Variants in FBLN5 observed in about 807,000 individuals in gnomAD.
FBLN5 encodes fibulin-5.
A neutral mutation model predicts 61.6 loss-of-function variants in FBLN5; 24 were observed. The observed-to-expected ratio is 0.39, with a 90% CI of 0.28 to 0.55. FBLN5 has a LOEUF of 0.55. Ranked by LOEUF, FBLN5 falls within the 20% of genes least tolerant of loss-of-function variation. The pLI is 0.65. For missense variants in FBLN5, 470 were observed against 594.1 expected (o/e 0.79, Z 2.17); for synonymous variants, 213 against 219.8 (o/e 0.97, Z 0.27).
At chr14:91,928,855 G>A (rs920664394) in intron 4 of FBLN5, among the ~76,000 whole-genome samples, 4 of 151,818 alleles carry the variant, frequency 2.6e-5, no homozygotes, top group African/African-American at 9.7e-5. Context: ...TCAGGAGATC[G>A]AGACCATCCT....
chr14:91,888,623 A>T (rs1889841867), intron 6 of FBLN5, among the ~76,000 whole-genome samples: 1 of 150,538 alleles, frequency 6.6e-6, no homozygotes, highest in African/African-American at 2.5e-5. Flanking sequence ...AAAAAAAAAA[A>T]ATACATATAT....
intron 10 of FBLN5, chr14:91,873,969 A>G (rs186605704): frequency 2.0e-5 from 3 of 151,862 alleles, no homozygotes; most frequent in African/African-American, 7.3e-5. Context: ...CCTAATTATG[A>G]CCCCCAAGCC....
intron 4 of FBLN5, among the ~76,000 whole-genome samples, chr14:91,908,491 C>T (rs950838839): frequency 2.0e-5 from 3 of 152,206 alleles, no homozygotes; most frequent in South Asian, 2.1e-4. Context: ...AGTCAGGATA[C>T]GAACTCAAGG....
intron 4 of FBLN5, among the ~76,000 whole-genome samples, chr14:91,927,419 G>A (rs971940855): frequency 3.9e-5 from 6 of 152,174 alleles, no homozygotes; most frequent in Non-Finnish European, 5.9e-5. Flanking sequence ...GAACATCTGC[G>A]AATTTCTGTA....
chr14:91,878,188 C>T (rs1889260999), intron 9 of FBLN5: 10 of 301,950 alleles, frequency 3.3e-5, no homozygotes, highest in South Asian at 3.1e-4. Context: ...CAAATCTTGT[C>T]ATTCGATAAT....
At chr14:91,885,323 C>G (rs997603442) in intron 7 of FBLN5, among the ~76,000 whole-genome samples, 1 of 152,178 alleles carries the variant, frequency 6.6e-6, no homozygotes, top group African/African-American at 2.4e-5. Context: ...GTAAGCTTCT[C>G]AAGAAGCCAA....
intron 7 of FBLN5, among the ~76,000 whole-genome samples, chr14:91,885,256 G>A (rs896451234): frequency 6.6e-6 from 1 of 152,232 alleles, no homozygotes; most frequent in East Asian, 1.9e-4. Flanking sequence ...TGGAGGACAA[G>A]TTGGCCATTT....
rs553195673 is a variant in FBLN5 at position 91,881,156 on chromosome 14, C to T, written c.989+136G>A. The stretch of plus-strand genomic sequence containing the variant: ...ACACACACACACACACACACACACG[C>T]ATGAGCACATGACGTAGGTAGTAGG... On this transcript the variant is annotated intron_variant, in intron 9 of 10. Coordinates refer to ENST00000342058, the MANE Select transcript of FBLN5 (RefSeq NM_006329.4). 4 of 814,074 alleles carry T rather than the reference C, an allele frequency of 4.9e-6. 1 individual carries two copies. Among genetic ancestry groups the T allele is most frequent in the Non-Finnish European group, 8.3e-6 (4 of 479,560 alleles). The allele number at this position is 814,074 out of a possible 1,614,324, so 50.4% of individuals were successfully genotyped here.
At chr14:91,903,486 T>C (rs1336150951) in intron 4 of FBLN5, among the ~76,000 whole-genome samples, 1 of 152,238 alleles carries the variant, frequency 6.6e-6, no homozygotes, top group African/African-American at 2.4e-5. Context: ...CTTTTTTAAC[T>C]GAGTACTCAT....
At chr14:91,881,517 ATCCAATATGGCAG>A in intron 8 of FBLN5, 99 bp from the exon 9 acceptor site, 1 of 1,344,432 alleles carries the variant, frequency 7.4e-7, no homozygotes, top group Non-Finnish European at 1.1e-6. Flanking sequence ...GAGCTGTACT[ATCCAATATGGCAG>A]CAACAGGCCA....
chr14:91,877,462 GTCCCCAC>G lies in FBLN5; in HGVS notation c.1185+18_1185+24del, dbSNP rs756383448. On this transcript the variant is annotated intron_variant, in intron 10 of 10. Transcript: ENST00000342058. Reference sequence around the variant, plus strand: ...GCACAAGGCCACTGTTACAGATGGCGTCCCCACTCCCCACTCCCTCTTACCCGCATGT... The same window carrying G: ...GCACAAGGCCACTGTTACAGATGGCGTCCCCACTCCCTCTTACCCGCATGT... 90 of 1,583,360 alleles carry G rather than the reference GTCCCCAC, an allele frequency of 5.7e-5. 1 individual carries two copies. Among genetic ancestry groups the G allele is most frequent in the Middle Eastern group, 5.0e-4 (3 of 6,042 alleles).
intron 4 of FBLN5, among the ~76,000 whole-genome samples, chr14:91,911,317 GTTGT>G (rs1162721893): frequency 2.6e-5 from 4 of 152,148 alleles, no homozygotes; most frequent in African/African-American, 4.8e-5. Flanking sequence ...TTTTTGGTTG[GTTGT>G]TTACTTGCCC....
rs148420474 is a variant in FBLN5, at chr14:91,940,494, G to A, written c.124+71C>T. 3.8e-4 allele frequency: 484 copies of A among 1,269,054 alleles called. 1 individual carries two copies. In the African/African-American group the frequency reaches 6.0e-3, roughly 16 times the overall value. The allele number at this position is 1,269,054 out of a possible 1,614,324, so 78.6% of individuals were successfully genotyped here. A position where few individuals can be genotyped will look rare whatever the true frequency, so the allele number is the denominator to read the frequency against. On this transcript the variant is annotated intron_variant, in intron 3 of 10. Transcript: ENST00000342058. ...GCATGGCTAATCATTGAACAACAGA[G>A]AAAGAAATAAATAGCACTGCAACTG... is the stretch of plus-strand genomic sequence containing the variant.
At chr14:91,932,740 G>A (rs1041929143) in intron 4 of FBLN5, among the ~76,000 whole-genome samples, 2 of 152,186 alleles carry the variant, frequency 1.3e-5, no homozygotes, top group East Asian at 1.9e-4. Flanking sequence ...CCCGCGCCCC[G>A]GCAAGAGTGC....
At chr14:91,887,094 A>C in intron 7 of FBLN5, 99 bp downstream of exon 7, 2 of 1,346,766 alleles carry the variant, frequency 1.5e-6, no homozygotes, top group Non-Finnish European at 2.1e-6. Context: ...ACATGTGTCC[A>C]GGAAATGAGA....
intron 4 of FBLN5, among the ~76,000 whole-genome samples, chr14:91,909,284 G>T (rs1180143205): frequency 1.3e-5 from 2 of 152,146 alleles, no homozygotes; most frequent in African/African-American, 2.4e-5. Context: ...AGAAACACTA[G>T]CCTAGCCATA....
chr14:91,908,614 G>A (rs1890780890), intron 4 of FBLN5, among the ~76,000 whole-genome samples: 1 of 152,150 alleles, frequency 6.6e-6, no homozygotes, highest in South Asian at 2.1e-4. Flanking sequence ...TGCTGCTGGG[G>A]GCAGAATTTT....
intron 4 of FBLN5, among the ~76,000 whole-genome samples, chr14:91,925,483 C>T (rs1001325516): frequency 2.6e-5 from 4 of 152,170 alleles, no homozygotes; most frequent in African/African-American, 9.7e-5. Flanking sequence ...ACAGGAGCCT[C>T]GGGATGGTTG....
intron 4 of FBLN5, among the ~76,000 whole-genome samples, chr14:91,895,998 T>C (rs1890209518): frequency 6.6e-6 from 1 of 152,016 alleles, no homozygotes; most frequent in Non-Finnish European, 1.5e-5. Flanking sequence ...CTGCCATCTG[T>C]CTGGTGGCAT....
Sources: gnomAD v4.1 joint callset for allele counts (sites outside exome capture counted in the v4.1 genomes callset) on GRCh38, gnomAD v4.1.1 for gene constraint, MANE v1.5 for transcripts, NCBI Gene and HGNC (gene_info 2026-07-23, HGNC 2026-07-21) for gene names.